Variants in STXBP5 observed in about 807,000 individuals in gnomAD.
The protein encoded by STXBP5 is syntaxin-binding protein 5.
In STXBP5, 50 loss-of-function variants were observed where a neutral mutation model predicts 152.4. The observed-to-expected ratio is 0.33, with a 90% CI of 0.26 to 0.42. The LOEUF (loss-of-function observed/expected upper bound fraction) is 0.42. Among genes scored for constraint, STXBP5 ranks in the 10% least tolerant of loss-of-function variants. The pLI, the probability that STXBP5 is intolerant of heterozygous loss-of-function variation, is 1.00. For missense variants in STXBP5, 1,167 were observed against 1,388.6 expected (o/e 0.84, Z 2.54); for synonymous variants, 492 against 494.7 (o/e 0.99, Z 0.07).
At position 147,386,000 on chromosome 6, in the gene STXBP5, C is replaced by T. The variant is rs1326933019; in HGVS notation, c.*1245C>T. ...CCAAAAAGAAAGGAAAATATGTACA[C>T]TGTGATAACTAAATTATTTCTGTAT... On this transcript the variant is annotated 3_prime_UTR_variant, in exon 28 of 28. Transcript: ENST00000321680. The T allele has an allele frequency of 1.3e-5, 2 of 152,004 alleles. No homozygotes were observed. The highest frequency in any genetic ancestry group is 3.9e-4 in the East Asian group (2 of 5,186). The allele number at this position is 152,004 out of a possible 1,614,324, so 9.4% of individuals were successfully genotyped here.
At chr6:147,237,517 A>G (rs947496943) in intron 3 of STXBP5, among the ~76,000 whole-genome samples, 1 of 152,210 alleles carries the variant, frequency 6.6e-6, no homozygotes, top group Non-Finnish European at 1.5e-5. Context: ...ACATCGCCTG[A>G]TATTTGATGG....
intron 1 of STXBP5, 22 bp from the exon 2 acceptor site, chr6:147,205,948 TG>T: frequency 6.3e-7 from 1 of 1,595,016 alleles, no homozygotes; most frequent in Non-Finnish European, 8.6e-7. Flanking sequence ...TTGGTTGCTG[TG>T]ATGTCACTTG....
At chr6:147,223,384 T>C (rs1287639210) in intron 2 of STXBP5, among the ~76,000 whole-genome samples, 1 of 152,212 alleles carries the variant, frequency 6.6e-6, no homozygotes, top group Non-Finnish European at 1.5e-5. Context: ...TTTGAGCATA[T>C]TTCTATTAAG....
chr6:147,212,917 T>C (rs1033607190), intron 2 of STXBP5, among the ~76,000 whole-genome samples: 17 of 152,332 alleles, frequency 1.1e-4, no homozygotes, highest in African/African-American at 4.1e-4. Flanking sequence ...CAGGACTTTT[T>C]TTTAATACCA....
rs1203242701 is a variant in STXBP5 at position 147,304,465 on chromosome 6, C to T, written c.918-5619C>T. Among the ~76,000 whole-genome samples the T allele has an allele frequency of 5.3e-5, 8 of 152,164 alleles. No individual in the cohort carries two copies. In the East Asian group the frequency reaches 1.5e-3, roughly 29 times the overall value. ...CAGAAGTTTGCTGCAGGGGTGAAAG[C>T]CTTGTGGAGAACCTCTACTAGGGCA... is the stretch of plus-strand genomic sequence containing the variant. On this transcript the variant is annotated intron_variant, in intron 9 of 27. Coordinates refer to ENST00000321680, the MANE Select transcript of STXBP5 (RefSeq NM_001127715.4).
At chr6:147,210,719 AC>A (rs1472816594) in intron 2 of STXBP5, among the ~76,000 whole-genome samples, 2 of 152,076 alleles carry the variant, frequency 1.3e-5, no homozygotes, top group Non-Finnish European at 2.9e-5. Flanking sequence ...TAATAACCCT[AC>A]CTAGCTTGTG....
At chr6:147,261,447 G>A (rs543670094) in intron 5 of STXBP5, among the ~76,000 whole-genome samples, 1 of 152,034 alleles carries the variant, frequency 6.6e-6, no homozygotes, top group East Asian at 1.9e-4. Context: ...ATATCAGCAA[G>A]ACCCTTTTGA....
intron 23 of STXBP5, among the ~76,000 whole-genome samples, chr6:147,360,480 A>AT (rs945093919): frequency 1.5e-4 from 23 of 151,654 alleles, no homozygotes; most frequent in South Asian, 4.2e-4. Flanking sequence ...CAATTTTGCC[A>AT]TTTTTTTTTA....
intron 7 of STXBP5, among the ~76,000 whole-genome samples, chr6:147,274,627 CTTTA>C (rs1318731453): frequency 2.0e-5 from 3 of 151,960 alleles, no homozygotes; most frequent in East Asian, 1.9e-4. Context: ...TAAGCATGTA[CTTTA>C]TTTGATTATA....
At position 147,287,194 on chromosome 6, in the gene STXBP5, ATTTTTTTTTTT is replaced by A. The variant is rs11370591; in HGVS notation, c.839-3884_839-3874del. On this transcript the variant is annotated intron_variant, in intron 8 of 27. Coordinates refer to ENST00000321680, the MANE Select transcript of STXBP5 (RefSeq NM_001127715.4). Reference sequence around the variant, plus strand: ...TAGTTCAATAATAACTTAATTGTACATTTTTTTTTTTTTTTTTTTTTTTTTTGAGACGGAGT... The same window carrying A: ...TAGTTCAATAATAACTTAATTGTACATTTTTTTTTTTTTTTGAGACGGAGT... 6.8e-3 allele frequency among the ~76,000 whole-genome samples: 510 copies of A among 75,272 alleles called. 5 individuals carry two copies. The highest frequency in any genetic ancestry group is 0.026 in the African/African-American group (482 of 18,728). 49.4% of individuals were successfully genotyped at this position (75,272 alleles called of 152,430 possible).
intron 21 of STXBP5, chr6:147,351,872 A>C (rs1383977913): frequency 1.0e-6 from 1 of 985,264 alleles, no homozygotes; most frequent in Non-Finnish European, 1.2e-6. Context: ...CTTTGTTTAC[A>C]TGGCGCCCTT....
intron 21 of STXBP5, among the ~76,000 whole-genome samples, chr6:147,341,941 T>C (rs1164062785): frequency 6.6e-6 from 1 of 152,118 alleles, no homozygotes; most frequent in Non-Finnish European, 1.5e-5. Context: ...TTCCCTGTTT[T>C]ACAGATAAGG....
rs1303756890 is a variant in STXBP5, at chr6:147,313,972, CTTA to C, written c.1237_1239del (p.Ile413del). The C allele has an allele frequency of 6.2e-7, 1 of 1,603,820 alleles. No individual in the cohort carries two copies. Among genetic ancestry groups the C allele is most frequent in the Non-Finnish European group, 8.5e-7 (1 of 1,173,284 alleles). On this transcript the variant is annotated inframe_deletion, in exon 12 of 28. Transcript: ENST00000321680. ...ATATTTTGCGGATTGTCCTGTGGAC[CTTA>C]TTCCTGCACTTTATTCTGTTGGAGC...
intron 4 of STXBP5, among the ~76,000 whole-genome samples, chr6:147,256,711 G>A (rs1056976239): frequency 1.2e-4 from 18 of 152,180 alleles, no homozygotes; most frequent in African/African-American, 4.1e-4. Flanking sequence ...GATGGAGAGG[G>A]AGTACGCTGG....
At chr6:147,224,078 G>A (rs529541777) in intron 2 of STXBP5, among the ~76,000 whole-genome samples, 2 of 152,188 alleles carry the variant, frequency 1.3e-5, no homozygotes, top group Non-Finnish European at 2.9e-5. Context: ...TCAAGAGAAC[G>A]AGCAATATAA....
At chr6:147,214,290 A>G (rs1035033149) in intron 2 of STXBP5, among the ~76,000 whole-genome samples, 16 of 152,200 alleles carry the variant, frequency 1.1e-4, no homozygotes, top group African/African-American at 3.9e-4. Context: ...TTTCAGATTT[A>G]GCAATTCTAG....
rs147514743 is a variant in STXBP5 at position 147,278,973 on chromosome 6, C to T, written c.838+769C>T. Among the ~76,000 whole-genome samples, 35 of 152,182 alleles carry T rather than the reference C, an allele frequency of 2.3e-4. 1 individual carries two copies. The highest frequency in any genetic ancestry group is 7.7e-4 in the African/African-American group (32 of 41,524). The stretch of plus-strand genomic sequence containing the variant: ...CTCTGCTTTAGCAGGTACCACAATT[C>T]GAGACTCCCAGAAGCAAGGCAGGGG... On this transcript the variant is annotated intron_variant, in intron 8 of 27. Transcript: ENST00000321680.
At chr6:147,229,519 A>T (rs1777889004) in intron 2 of STXBP5, among the ~76,000 whole-genome samples, 1 of 151,488 alleles carries the variant, frequency 6.6e-6, no homozygotes, top group South Asian at 2.1e-4. Flanking sequence ...GATATAGGAT[A>T]TTTTTTCATT....
intron 21 of STXBP5, chr6:147,352,004 C>T (rs1426130505): frequency 1.5e-5 from 5 of 340,394 alleles, no homozygotes; most frequent in South Asian, 1.2e-4. Context: ...TTTTCTTTTA[C>T]GCATGCACTA....
Sources: gnomAD v4.1 joint callset for allele counts (sites outside exome capture counted in the v4.1 genomes callset) on GRCh38, gnomAD v4.1.1 for gene constraint, MANE v1.5 for transcripts, NCBI Gene and HGNC (gene_info 2026-07-23, HGNC 2026-07-21) for gene names.